GALNT18: variants seen among roughly 807,000 people sequenced by gnomAD.
The protein encoded by GALNT18 is polypeptide N-acetylgalactosaminyltransferase 18.
GALNT18 carries 44 observed loss-of-function variants against 69.5 expected under a neutral mutation model. The observed-to-expected ratio is 0.63, with a 90% CI of 0.50 to 0.81. The LOEUF (loss-of-function observed/expected upper bound fraction) is 0.81, where lower values mean the gene tolerates loss of function less well. GALNT18 is among the 40% of genes least tolerant of loss of function. The pLI, the probability that GALNT18 is intolerant of heterozygous loss-of-function variation, is 0.00. For synonymous variants in GALNT18, 364 were observed against 318.2 expected, an observed-to-expected ratio of 1.14 and a Z score of -1.53; for missense variants, 715 against 810.0, an observed-to-expected ratio of 0.88 and a Z score of 1.42.
rs576328805 is a variant in GALNT18 at position 11,448,383 on chromosome 11, G to T, written c.428+361C>A. Among the ~76,000 whole-genome samples the T allele has an allele frequency of 1.6e-3, 237 of 152,294 alleles. 1 individual carries two copies. Among genetic ancestry groups the T allele is most frequent in the African/African-American group, 5.2e-3 (217 of 41,562 alleles). ...AACGACTTGTTAGCCCCACAAGATA[G>T]ATGTACTTTAAAAACTAATTTACAG... On this transcript the variant is annotated intron_variant, in intron 2 of 10. Coordinates refer to ENST00000227756, the MANE Select transcript of GALNT18 (RefSeq NM_198516.3).
chr11:11,272,806 C>T (rs1848854415), intron 10 of GALNT18, among the ~76,000 whole-genome samples: 1 of 152,154 alleles, frequency 6.6e-6, no homozygotes, highest in Non-Finnish European at 1.5e-5. Flanking sequence ...GTGCCTTTTC[C>T]AGCTCACAGT....
At position 11,332,562 on chromosome 11, in the gene GALNT18, A is replaced by T; in HGVS notation, c.1416+132T>A. ...AGGCTGTCTTGCAGGTGCAGAACCC[A>T]GCGCCCGGTCCCCAGGCCTACTGCA... On this transcript the variant is annotated intron_variant, in intron 8 of 10. Coordinates refer to ENST00000227756, the MANE Select transcript of GALNT18 (RefSeq NM_198516.3). The surrounding 1 kb of genome is among the most constrained non-coding windows in gnomAD (Gnocchi z 4.3). 1 of 987,904 alleles carries T rather than the reference A, an allele frequency of 1.0e-6. No homozygotes were observed. The highest frequency in any genetic ancestry group is 2.6e-5 in the East Asian group (1 of 38,382). The allele number at this position is 987,904 out of a possible 1,614,324, so 61.2% of individuals were successfully genotyped here.
rs903350469 is a variant in GALNT18, at chr11:11,480,019, G to C, written c.236-31083C>G. ...AAGGCTGCTACCCCAAGCCCCACCA[G>C]GAGGCTAGAGAAGAGAGATGGGAGA... On this transcript the variant is annotated intron_variant, in intron 1 of 10. Transcript: ENST00000227756. The surrounding 1 kb of genome is among the most constrained non-coding windows in gnomAD (Gnocchi z 4.6). Among the ~76,000 whole-genome samples, 2 of 152,156 alleles carry C rather than the reference G, an allele frequency of 1.3e-5. No individual in the cohort carries two copies. Among genetic ancestry groups the C allele is most frequent in the African/African-American group, 4.8e-5 (2 of 41,438 alleles).
At chr11:11,449,034 C>G (rs995163663) in intron 1 of GALNT18, 98 bp from the exon 2 acceptor site, 17 of 1,017,076 alleles carry the variant, frequency 1.7e-5, no homozygotes, top group Non-Finnish European at 2.2e-5. Flanking sequence ...TTTGGTAAAA[C>G]AATCTTAGCC....
At chr11:11,499,204 T>C (rs1379664999) in intron 1 of GALNT18, among the ~76,000 whole-genome samples, 1 of 152,234 alleles carries the variant, frequency 6.6e-6, no homozygotes, top group Non-Finnish European at 1.5e-5. Flanking sequence ...TTAAGACCAG[T>C]TCTCTATCCC....
chr11:11,561,987 G>A (rs542314547), intron 1 of GALNT18, among the ~76,000 whole-genome samples: 6 of 152,358 alleles, frequency 3.9e-5, no homozygotes, highest in South Asian at 2.1e-4. Context: ...GTCACACAGC[G>A]AGTGAATGCA....
At chr11:11,346,994 C>T (rs747001003) in intron 6 of GALNT18, among the ~76,000 whole-genome samples, 1 of 152,134 alleles carries the variant, frequency 6.6e-6, no homozygotes, top group African/African-American at 2.4e-5. Flanking sequence ...CAAGCTCCCA[C>T]GAGCAAAGGC....
chr11:11,588,369 T>A (rs1002930777), intron 1 of GALNT18, among the ~76,000 whole-genome samples: 1 of 152,156 alleles, frequency 6.6e-6, no homozygotes, highest in African/African-American at 2.4e-5. Flanking sequence ...TTTAAATGTC[T>A]GTTGACTAAA....
In GALNT18 at chr11:11,432,992, T is replaced by A. The variant is rs1284886283; in HGVS notation, c.429-205A>T. On this transcript the variant is annotated intron_variant, in intron 2 of 10. Coordinates refer to ENST00000227756, the MANE Select transcript of GALNT18 (RefSeq NM_198516.3). The surrounding 1 kb of genome is among the most constrained non-coding windows in gnomAD (Gnocchi z 5.8). ...CATTGAAACCAGTTCACCCCACACC[T>A]GAGTTGAAGTTGTCAGTGACTATGC... 1.3e-5 allele frequency among the ~76,000 whole-genome samples: 2 copies of A among 152,182 alleles called. No homozygotes were observed. Among genetic ancestry groups the A allele is most frequent in the Non-Finnish European group, 2.9e-5 (2 of 68,020 alleles).
rs998436113 is a variant in GALNT18 at position 11,542,533 on chromosome 11, C to T, written c.235+78826G>A. ...TTCACATGCAAAGAATAATTCCTAC[C>T]ATGTCCTTGTTCCGGAAAACAGTCA... On this transcript the variant is annotated intron_variant, in intron 1 of 10. Coordinates refer to ENST00000227756, the MANE Select transcript of GALNT18 (RefSeq NM_198516.3). This position sits in a 1 kb window ranked among gnomAD's most constrained non-coding sequence, Gnocchi z 4.3. Among the ~76,000 whole-genome samples the T allele has an allele frequency of 6.6e-6, 1 of 152,188 alleles. No homozygotes were observed. Among genetic ancestry groups the T allele is most frequent in the African/African-American group, 2.4e-5 (1 of 41,438 alleles).
At position 11,483,808 on chromosome 11, in the gene GALNT18, G is replaced by A. The variant is rs77570057; in HGVS notation, c.236-34872C>T. ...GGGAGGTGTGCTTTCAGGATGCACAGACGTTACTTCAATAAATAATGAGCT... is the reference window on the plus strand; with the variant it reads ...GGGAGGTGTGCTTTCAGGATGCACAAACGTTACTTCAATAAATAATGAGCT... On this transcript the variant is annotated intron_variant, in intron 1 of 10. Transcript: ENST00000227756. Among the ~76,000 whole-genome samples the A allele has an allele frequency of 8.6e-3, 1,316 of 152,316 alleles. 18 individuals are homozygous for A. Among genetic ancestry groups the A allele is most frequent in the African/African-American group, 0.03 (1,232 of 41,574 alleles).
chr11:11,326,661 G>C (rs1372323160), intron 9 of GALNT18, among the ~76,000 whole-genome samples: 1 of 152,154 alleles, frequency 6.6e-6, no homozygotes, highest in South Asian at 2.1e-4. Flanking sequence ...CTACTAAAGG[G>C]CCGAGCTGAA....
Position 11,377,182 on chromosome 11 carries a change from C to T in GALNT18, c.977G>A (p.Arg326Lys). The T allele has an allele frequency of 6.2e-7, 1 of 1,612,700 alleles. No individual in the cohort carries two copies. The highest frequency in any genetic ancestry group is 8.5e-7 in the Non-Finnish European group (1 of 1,179,978). Reference protein sequence around the residue: ...WKLENSTAPIRSPALIGCFIV... With the variant: ...WKLENSTAPIKSPALIGCFIV... ...ACCCACAGGTAAAGGTTTGCTTTAC[C>T]TGATTGGCGCTGTGGAGTTCTCCAG... Residue 326 changes from arginine to lysine, a missense_variant and splice_region_variant, in exon 5 of 11, where the codon AGG becomes AAG. Coordinates refer to ENST00000227756, the MANE Select transcript of GALNT18 (RefSeq NM_198516.3). The surrounding 1 kb of genome is among the most constrained non-coding windows in gnomAD (Gnocchi z 4.6).
intron 10 of GALNT18, 140 bp downstream of exon 10, chr11:11,292,889 A>T: frequency 1.5e-6 from 1 of 673,460 alleles, no homozygotes; most frequent in Non-Finnish European, 2.2e-6. Flanking sequence ...GAAGCAAAGC[A>T]GTCTGGAGCC....
At chr11:11,521,667 C>T (rs1455092833) in intron 1 of GALNT18, among the ~76,000 whole-genome samples, 1 of 152,096 alleles carries the variant, frequency 6.6e-6, no homozygotes. Context: ...GGCGGGAGAA[C>T]AAAAATTGCT....
At chr11:11,293,288 GC>G in intron 9 of GALNT18, 95 bp from the exon 10 acceptor site, 2 of 1,063,020 alleles carry the variant, frequency 1.9e-6, no homozygotes, top group Non-Finnish European at 1.2e-6. Flanking sequence ...TGGCAGAGAG[GC>G]CACAGTTAGG....
At chr11:11,334,235 G>A (rs970018838) in intron 7 of GALNT18, among the ~76,000 whole-genome samples, 3 of 152,094 alleles carry the variant, frequency 2.0e-5, no homozygotes, top group African/African-American at 7.2e-5. Context: ...CAGACAATGT[G>A]GGCTTGAGTG....
chr11:11,272,831 G>A (rs1325273508), intron 10 of GALNT18, among the ~76,000 whole-genome samples: 1 of 152,184 alleles, frequency 6.6e-6, no homozygotes, highest in African/African-American at 2.4e-5. Context: ...AGTGCACTGA[G>A]AGAGGGAGAG....
At chr11:11,552,288 G>T (rs760479843) in intron 1 of GALNT18, among the ~76,000 whole-genome samples, 3 of 152,154 alleles carry the variant, frequency 2.0e-5, no homozygotes, top group Non-Finnish European at 2.9e-5. Flanking sequence ...AAGGAGCCCA[G>T]GACCCCAAAA....
Sources: allele counts gnomAD v4.1 joint callset (sites outside exome capture counted in the v4.1 genomes callset), GRCh38; gene constraint gnomAD v4.1.1; non-coding constraint Gnocchi (gnomAD v3.1); transcripts MANE v1.5; gene names NCBI Gene and HGNC (gene_info 2026-07-23, HGNC 2026-07-21).